LRPPRC: variants seen among roughly 807,000 people sequenced by gnomAD.
LRPPRC encodes leucine-rich PPR motif-containing protein, mitochondrial.
Under a neutral mutation model 180.3 loss-of-function variants are expected in LRPPRC, and 120 were observed. That is an observed-to-expected ratio of 0.67 (90% confidence interval 0.57 to 0.77). The LOEUF (loss-of-function observed/expected upper bound fraction) is 0.77, where lower values mean the gene tolerates loss of function less well. Among genes scored for constraint, LRPPRC ranks in the 30% least tolerant of loss-of-function variants. The pLI, the probability that LRPPRC is intolerant of heterozygous loss-of-function variation, is 0.00. For missense variants in LRPPRC, 2,012 were observed against 1,657.2 expected (o/e 1.21, Z -3.72); for synonymous variants, 723 against 600.0 (o/e 1.21, Z -3.00).
In LRPPRC at chr2:43,960,564, T is replaced by C; in HGVS notation, c.1559A>G (p.Asn520Ser). ...AGLRSEAANG[N>S]LDFVLSFLKS... ...ACAAAATGATAATACAAAGTCTAAG[T>C]TCCCATTTGCTGCTTCACTTCTCAA... is the stretch of plus-strand genomic sequence containing the variant. Residue 520 changes from asparagine to serine, a missense_variant, in exon 13 of 38, where the codon AAC (asparagine) becomes AGC (serine). Physicochemically the swap from Asn to Ser is conservative, Grantham distance 46. Coordinates refer to ENST00000260665, the MANE Select transcript of LRPPRC (RefSeq NM_133259.4). 6.3e-7 allele frequency: 1 copy of C among 1,592,040 alleles called. No homozygotes were observed. The highest frequency in any genetic ancestry group is 1.3e-5 in the African/African-American group (1 of 74,578).
At chr2:43,947,896 TTA>T in intron 18 of LRPPRC, 121 bp from the exon 19 acceptor site, 2 of 728,246 alleles carry the variant, frequency 2.7e-6, no homozygotes, top group Admixed American at 2.0e-5. Context: ...TTCCAAAATT[TTA>T]GACATTCTCT....
chr2:43,994,798 C>T (rs1674948379), intron 1 of LRPPRC, among the ~76,000 whole-genome samples: 1 of 152,204 alleles, frequency 6.6e-6, no homozygotes, highest in East Asian at 1.9e-4. Flanking sequence ...TTCTTTTCCC[C>T]TCCACTACAA....
rs760427790 is a variant in LRPPRC at position 43,943,995 on chromosome 2, G to C, written c.2297-101C>G. On this transcript the variant is annotated intron_variant, in intron 22 of 37. Coordinates refer to ENST00000260665, the MANE Select transcript of LRPPRC (RefSeq NM_133259.4). Reference sequence around the variant, plus strand: ...AAGCCCAGCAGGAATGTAAATTCTAGTGTATAATGCCGATTTCAAGTTAAT... The same window carrying C: ...AAGCCCAGCAGGAATGTAAATTCTACTGTATAATGCCGATTTCAAGTTAAT... 4.9e-6 allele frequency: 4 copies of C among 816,252 alleles called. No individual in the cohort carries two copies. In the African/African-American group the frequency reaches 5.1e-5, roughly 10 times the overall value. The allele number at this position is 816,252 out of a possible 1,614,324, so 50.6% of individuals were successfully genotyped here.
rs148843107 is a variant in LRPPRC at position 43,973,807 on chromosome 2, C to A, written c.1249G>T (p.Ala417Ser). Reference protein sequence around the residue: ...LQFTLHCALLANKTDLAKALM... With the variant: ...LQFTLHCALLSNKTDLAKALM... ...AAGAATGTAGTACCAGTTTTATTGG[C>A]GAGTAAAGCACAATGGAGGGTGAAC... is the stretch of plus-strand genomic sequence containing the variant. Residue 417 changes from alanine (A) to serine (S), a missense_variant, in exon 10 of 38, where the codon GCC (alanine) becomes TCC (serine). Physicochemically the swap from Ala to Ser is moderately conservative, Grantham distance 99. Coordinates refer to ENST00000260665, the MANE Select transcript of LRPPRC (RefSeq NM_133259.4). The A allele has an allele frequency of 2.2e-5, 35 of 1,612,856 alleles. No homozygotes were observed. In the African/African-American group the frequency reaches 2.9e-4, roughly 14 times the overall value.
rs115993634 is a variant in LRPPRC, at chr2:43,943,710, T to A, written c.2481A>T (p.Pro827=). 6.2e-7 allele frequency: 1 copy of A among 1,613,078 alleles called. No individual in the cohort carries two copies. The highest frequency in any genetic ancestry group is 8.5e-7 in the Non-Finnish European group (1 of 1,179,210). The change falls in exon 23 of 38, where the codon CCA becomes CCT. Residue 827 remains proline, a synonymous_variant. Transcript: ENST00000260665. ...LAEPSTNISF[P]LVTVHLEKGD... is the part of the protein sequence containing the mutation. The stretch of plus-strand genomic sequence containing the variant: ...ACTTTTCCAAGTGTACAGTGACCAA[T>A]GGGAAACTTATGTTGGTGGATGGTT...
At chr2:43,918,204 A>C in intron 28 of LRPPRC, 52 bp downstream of exon 28, 1 of 1,591,792 alleles carries the variant, frequency 6.3e-7, no homozygotes, top group Non-Finnish European at 8.6e-7. Context: ...CTAATCTATA[A>C]CCTAATTATA....
At chr2:43,993,710 G>A (rs544565504) in intron 1 of LRPPRC, among the ~76,000 whole-genome samples, 2 of 149,654 alleles carry the variant, frequency 1.3e-5, no homozygotes, top group South Asian at 4.2e-4. Flanking sequence ...ACAAAGTCCT[G>A]CTCTCATATA....
At chr2:43,897,997 C>A (rs1372741381) in intron 34 of LRPPRC, among the ~76,000 whole-genome samples, 1 of 143,590 alleles carries the variant, frequency 7.0e-6, no homozygotes, top group Admixed American at 7.0e-5. Context: ...TTTTTTTTCA[C>A]CACGTAAGAT....
At chr2:43,895,854 T>G (rs1416127074) in intron 35 of LRPPRC, among the ~76,000 whole-genome samples, 1 of 152,154 alleles carries the variant, frequency 6.6e-6, no homozygotes, top group Non-Finnish European at 1.5e-5. Flanking sequence ...TAAGAGAAAT[T>G]TAATTTTATA....
intron 27 of LRPPRC, among the ~76,000 whole-genome samples, chr2:43,923,913 A>G (rs1357064117): frequency 2.0e-5 from 3 of 152,174 alleles, no homozygotes; most frequent in Admixed American, 1.3e-4. Flanking sequence ...TTGAGGACCA[A>G]CTGCCTAAAA....
chr2:43,893,142 G>T (rs4312541), intron 36 of LRPPRC, among the ~76,000 whole-genome samples: 149,495 of 152,338 alleles, frequency 0.98, 73,365 homozygotes, highest in East Asian at 1. Context: ...CTTAACATGA[G>T]GAGAAGCTGT....
At chr2:43,981,576 G>T (rs1674309166) in intron 2 of LRPPRC, among the ~76,000 whole-genome samples, 1 of 151,744 alleles carries the variant, frequency 6.6e-6, no homozygotes, top group Non-Finnish European at 1.5e-5. Flanking sequence ...AGAGTTGCTT[G>T]AACCCGGGAG....
chr2:43,937,651 T>G (rs904723740), intron 23 of LRPPRC, among the ~76,000 whole-genome samples: 1 of 152,184 alleles, frequency 6.6e-6, no homozygotes, highest in African/African-American at 2.4e-5. Flanking sequence ...TTTCTAGAAG[T>G]GGTGATGAAA....
In LRPPRC at chr2:43,920,172, G is replaced by C. The variant is rs112014191; in HGVS notation, c.2897-1774C>G. On this transcript the variant is annotated intron_variant, in intron 27 of 37. Coordinates refer to ENST00000260665, the MANE Select transcript of LRPPRC (RefSeq NM_133259.4). ...TTTTTTTGAGATGGAGTCTTGCTCT[G>C]TTGCCCAGGCTGGAGTGCAGTGGCC... Among the ~76,000 whole-genome samples the C allele has an allele frequency of 4.0e-4, 60 of 150,324 alleles. 1 individual carries two copies. Among genetic ancestry groups the C allele is most frequent in the African/African-American group, 1.4e-3 (57 of 40,908 alleles).
intron 21 of LRPPRC, 53 bp downstream of exon 21, chr2:43,946,060 G>A: frequency 6.4e-7 from 1 of 1,564,786 alleles, no homozygotes; most frequent in Non-Finnish European, 8.8e-7. Context: ...ATCTATCAAG[G>A]TCTGTAGAGC....
At chr2:43,993,689 T>C (rs988912288) in intron 1 of LRPPRC, among the ~76,000 whole-genome samples, 1 of 150,914 alleles carries the variant, frequency 6.6e-6, no homozygotes, top group Non-Finnish European at 1.5e-5. Context: ...GAACACACAG[T>C]GGTGAACAAG....
At position 43,946,135 on chromosome 2, in the gene LRPPRC, C is replaced by A. The variant is rs755746662; in HGVS notation, c.2188G>T (p.Ala730Ser). Reference protein sequence around the residue: ...LCCRHDKVEDALNLKEEFDRL... With the variant: ...LCCRHDKVEDSLNLKEEFDRL... ...CACAATTCTTCTTTCAAGTTCAAGG[C>A]ATCTTCTACTTTATCATGTCGACAG... Residue 730 changes from alanine to serine, a missense_variant, in exon 21 of 38, where the codon GCC becomes TCC. Coordinates refer to ENST00000260665, the MANE Select transcript of LRPPRC (RefSeq NM_133259.4). The A allele has an allele frequency of 5.0e-6, 8 of 1,612,458 alleles. No homozygotes were observed. In the East Asian group the frequency reaches 1.8e-4, roughly 36 times the overall value.
intron 24 of LRPPRC, 57 bp downstream of exon 24, chr2:43,934,697 A>T: frequency 1.3e-6 from 2 of 1,519,938 alleles, no homozygotes; most frequent in Non-Finnish European, 1.8e-6. Flanking sequence ...ATACACTAAG[A>T]TTAAATCAGC....
intron 16 of LRPPRC, among the ~76,000 whole-genome samples, chr2:43,949,165 G>C (rs1471257249): frequency 2.6e-5 from 4 of 152,108 alleles, no homozygotes; most frequent in African/African-American, 9.7e-5. Context: ...ATATAGTCTA[G>C]CTTCATTATA....
Sources: allele counts gnomAD v4.1 joint callset (sites outside exome capture counted in the v4.1 genomes callset), GRCh38; gene constraint gnomAD v4.1.1; transcripts MANE v1.5; gene names NCBI Gene and HGNC (gene_info 2026-07-23, HGNC 2026-07-21).